NEK2: variants seen among roughly 807,000 people sequenced by gnomAD.
The protein encoded by NEK2 is serine/threonine-protein kinase Nek2.
A neutral mutation model predicts 54.1 loss-of-function variants in NEK2; 28 were observed. That is an observed-to-expected ratio of 0.52 (90% CI 0.38 to 0.71). The LOEUF is 0.71. NEK2 is among the 30% of genes least tolerant of loss of function. The pLI is 0.00. For missense variants in NEK2, 407 were observed against 531.5 expected, an observed-to-expected ratio of 0.77 and a Z score of 2.30; for synonymous variants, 176 against 193.1, an observed-to-expected ratio of 0.91 and a Z score of 0.73.
Position 211,670,411 on chromosome 1 carries a change from G to A in NEK2, c.639-4C>T. 1 of 1,598,412 alleles carries A rather than the reference G, an allele frequency of 6.3e-7. No homozygotes were observed. The highest frequency in any genetic ancestry group is 8.5e-7 in the Non-Finnish European group (1 of 1,175,630). On this transcript the variant is annotated splice_polypyrimidine_tract_variant and splice_region_variant and intron_variant, in intron 4 of 7. Transcript: ENST00000366999. ...GCTAAAAGCTGTAAATGGAGGCCTA[G>A]GGTTAAAAAAGAAGAAGAAGACGAC...
chr1:211,660,303 C>G (rs1654986009), downstream of NEK2: 2 of 465,284 alleles, frequency 4.3e-6, no homozygotes, highest in Admixed American at 2.7e-5. Context: ...AACTGTCATC[C>G]TCATACTGCA....
rs1655327967 is a variant in NEK2, at chr1:211,670,224, G to A, written c.765+57C>T. 24 of 1,509,270 alleles carry A rather than the reference G, an allele frequency of 1.6e-5. No homozygotes were observed. The South Asian group carries it at 2.4e-4, about 15-fold the overall frequency. 93.5% of individuals were successfully genotyped at this position (1,509,270 alleles called of 1,614,324 possible). On this transcript the variant is annotated intron_variant, in intron 5 of 7. Transcript: ENST00000366999. ...CATTGATCTACAAGAGAGAATGTAT[G>A]CTCTGACACTTAACTGACAGCTAGA...
intron 3 of NEK2, among the ~76,000 whole-genome samples, chr1:211,671,947 A>T (rs1226900589): frequency 1.3e-5 from 2 of 152,232 alleles, no homozygotes; most frequent in East Asian, 3.8e-4. Flanking sequence ...AAGGAACAAA[A>T]GAATAGGTTT....
In NEK2 at chr1:211,675,610, T is replaced by C; in HGVS notation, c.-131A>G. ...CAGCACTGACCCGCCACCCCTGCCT[T>C]GGGCCCCGTTTAACCGTCGCGGGCC... On this transcript the variant is annotated 5_prime_UTR_variant, in exon 1 of 8. Coordinates refer to ENST00000366999, the MANE Select transcript of NEK2 (RefSeq NM_002497.4). 1.5e-6 allele frequency: 1 copy of C among 682,404 alleles called. No individual in the cohort carries two copies. The allele number at this position is 682,404 out of a possible 1,614,324, so 42.3% of individuals were successfully genotyped here.
chr1:211,664,058 CT>C (rs1198476171), intron 7 of NEK2, among the ~76,000 whole-genome samples: 1 of 126,994 alleles, frequency 7.9e-6, no homozygotes, highest in Non-Finnish European at 1.7e-5. Context: ...TTTTTTCTGT[CT>C]TTGTTTTTTT....
At chr1:211,675,082 T>C (rs977899658) in intron 1 of NEK2, among the ~76,000 whole-genome samples, 1 of 152,204 alleles carries the variant, frequency 6.6e-6, no homozygotes, top group African/African-American at 2.4e-5. Context: ...CTTAGAGCTC[T>C]AAAAACAGCT....
chr1:211,667,847 A>C (rs1022285702), intron 6 of NEK2, among the ~76,000 whole-genome samples: 1 of 152,130 alleles, frequency 6.6e-6, no homozygotes, highest in Non-Finnish European at 1.5e-5. Flanking sequence ...GGAGTTCAAG[A>C]CCAGCCAGGT....
chr1:211,671,107 A>T (rs918215061), intron 4 of NEK2, 95 bp downstream of exon 4: 3 of 917,786 alleles, frequency 3.3e-6, no homozygotes, highest in Non-Finnish European at 5.4e-6. Flanking sequence ...ACTTGAATAT[A>T]CTTTCGTTAG....
At chr1:211,667,848 C>T (rs1180491854) in intron 6 of NEK2, among the ~76,000 whole-genome samples, 1 of 152,060 alleles carries the variant, frequency 6.6e-6, no homozygotes, top group African/African-American at 2.4e-5. Context: ...GAGTTCAAGA[C>T]CAGCCAGGTC....
At chr1:211,668,755 AG>A (rs1655256374) in intron 6 of NEK2, among the ~76,000 whole-genome samples, 1 of 152,226 alleles carries the variant, frequency 6.6e-6, no homozygotes, top group African/African-American at 2.4e-5. Flanking sequence ...TATTATGGAA[AG>A]CAGCAATTTT....
At chr1:211,661,247 A>C, downstream of NEK2, 2 of 678,328 alleles carry the variant, frequency 2.9e-6, no homozygotes, top group Non-Finnish European at 2.8e-6. Context: ...TTTGATCTCC[A>C]TTCATTCTGA....
chr1:211,665,356 T>C (rs1332536416), intron 7 of NEK2, among the ~76,000 whole-genome samples: 1 of 152,226 alleles, frequency 6.6e-6, no homozygotes, highest in Non-Finnish European at 1.5e-5. Context: ...TTTTAAATAT[T>C]TGCCATGATT....
downstream of NEK2, chr1:211,660,713 C>T: frequency 1.5e-6 from 1 of 675,244 alleles, no homozygotes; most frequent in Non-Finnish European, 2.8e-6. Context: ...CCACATTGCC[C>T]TGGGGGTGCT....
At chr1:211,674,946 C>T (rs1246800195) in intron 1 of NEK2, among the ~76,000 whole-genome samples, 1 of 152,174 alleles carries the variant, frequency 6.6e-6, no homozygotes, top group Non-Finnish European at 1.5e-5. Flanking sequence ...AAAAGTTCTA[C>T]CTATATACAT....
intron 4 of NEK2, 84 bp from the exon 5 acceptor site, chr1:211,670,491 G>A: frequency 7.0e-7 from 1 of 1,422,602 alleles, no homozygotes; most frequent in Non-Finnish European, 9.6e-7. Flanking sequence ...TAAATCAAAA[G>A]CACAGCTTAA....
rs1177477304 is a variant in NEK2, at chr1:211,669,322, C to T, written c.776G>A (p.Arg259Gln). ...CTCAAGAATTTCTTCAACAGAAGGT[C>T]GATGGTAATCCTGGGGAAAAAATAC... The part of the protein sequence containing the change: ...TRMLNLKDYH[R>Q]PSVEEILENP... The change falls in exon 6 of 8, where the codon CGA becomes CAA. Residue 259 changes from arginine (R) to glutamine (Q), a missense_variant. Transcript: ENST00000366999. 4.3e-6 allele frequency: 7 copies of T among 1,613,846 alleles called. No homozygotes were observed. Among genetic ancestry groups the T allele is most frequent in the South Asian group, 3.3e-5 (3 of 91,050 alleles).
At chr1:211,665,178 T>A (rs1331070688) in intron 7 of NEK2, among the ~76,000 whole-genome samples, 1 of 152,228 alleles carries the variant, frequency 6.6e-6, no homozygotes, top group East Asian at 1.9e-4. Flanking sequence ...GTGGATTTTA[T>A]AGCCCAAGGA....
Position 211,671,290 on chromosome 1 carries a change from C to A in NEK2, c.556-6G>T. On this transcript the variant is annotated splice_polypyrimidine_tract_variant and splice_region_variant and intron_variant, in intron 3 of 7. Transcript: ENST00000366999. Reference sequence around the variant, plus strand: ...GACATGCGATTCATTTGTTCCTATACAGGGAAAAAGGGTAAGAAAGTGGAA... The same window carrying A: ...GACATGCGATTCATTTGTTCCTATAAAGGGAAAAAGGGTAAGAAAGTGGAA... 6.2e-7 allele frequency: 1 copy of A among 1,607,928 alleles called. No homozygotes were observed.
intron 6 of NEK2, among the ~76,000 whole-genome samples, chr1:211,668,179 A>G (rs998465592): frequency 6.6e-6 from 1 of 152,250 alleles, no homozygotes. Context: ...GGACTATACA[A>G]TATTTCATTA....
Sources: gnomAD v4.1 joint callset for allele counts (sites outside exome capture counted in the v4.1 genomes callset) on GRCh38, gnomAD v4.1.1 for gene constraint, MANE v1.5 for transcripts, NCBI Gene and HGNC (gene_info 2026-07-23, HGNC 2026-07-21) for gene names.